TEP1: variants seen among roughly 807,000 people sequenced by gnomAD.
TEP1 encodes telomerase protein component 1.
A neutral mutation model predicts 306.3 loss-of-function variants in TEP1; 241 were observed. The ratio of observed to expected loss-of-function variants is 0.79; its 90% confidence interval spans 0.71 to 0.88. The LOEUF is 0.88. Ranked by LOEUF, TEP1 falls within the 40% of genes least tolerant of loss-of-function variation. TEP1 has a pLI of 0.00. For synonymous variants in TEP1, 1,289 were observed against 1,305.5 expected, an observed-to-expected ratio of 0.99 and a Z score of 0.27; for missense variants, 3,051 against 3,276.1, an observed-to-expected ratio of 0.93 and a Z score of 1.68.
intron 43 of TEP1, 24 bp from the exon 44 acceptor site, chr14:20,374,560 G>C: frequency 6.4e-7 from 1 of 1,564,226 alleles, no homozygotes; most frequent in Non-Finnish European, 8.8e-7. Context: ...AGTCAGAGGA[G>C]TGGGATTATC....
chr14:20,384,794 A>G, intron 21 of TEP1, 81 bp from the exon 22 acceptor site: 2 of 1,503,634 alleles, frequency 1.3e-6, no homozygotes, highest in Non-Finnish European at 1.8e-6. Flanking sequence ...ACATAGCTGT[A>G]ATTTCCTGAA....
rs771717141 is a variant in TEP1 at position 20,386,431 on chromosome 14, T to C, written c.2861+16A>G. 1.3e-6 allele frequency: 2 copies of C among 1,587,386 alleles called. No individual in the cohort carries two copies. The highest frequency in any genetic ancestry group is 2.3e-5 in the South Asian group (2 of 88,602). ...CTCATCCCCGACCCAGCCCCTCTTCTCTGCAGCCCCCACACCTGTTCCTAC... is the reference window on the plus strand; with the variant it reads ...CTCATCCCCGACCCAGCCCCTCTTCCCTGCAGCCCCCACACCTGTTCCTAC... On this transcript the variant is annotated intron_variant, in intron 19 of 54. Transcript: ENST00000262715.
Position 20,386,492 on chromosome 14 carries a change from A to C in TEP1, c.2816T>G (p.Ile939Ser), listed in dbSNP as rs749430556. 68 of 1,612,120 alleles carry C rather than the reference A, an allele frequency of 4.2e-5. No individual in the cohort carries two copies. The highest frequency in any genetic ancestry group is 5.7e-5 in the Non-Finnish European group (67 of 1,179,092). The part of the protein sequence containing the change: ...AAPHRISLHG[I>S]DLRWGVTEEE... ...CTCAGTGACGCCCCAGCGGAGGTCG[A>C]TTCCGTGAAGGCTGATACGGTGAGG... is the stretch of plus-strand genomic sequence containing the variant. Residue 939 changes from isoleucine to serine, a missense_variant, in exon 19 of 55, where the codon ATC becomes AGC. Coordinates refer to ENST00000262715, the MANE Select transcript of TEP1 (RefSeq NM_007110.5).
At chr14:20,380,545 C>T in intron 33 of TEP1, 70 bp from the exon 34 acceptor site, 2 of 1,534,424 alleles carry the variant, frequency 1.3e-6, no homozygotes, top group South Asian at 2.5e-5. Flanking sequence ...CAAATAAAAC[C>T]ATATGGTGTG....
intron 7 of TEP1, among the ~76,000 whole-genome samples, 182 bp from the exon 8 acceptor site, chr14:20,401,763 A>T (rs1198085916): frequency 6.6e-6 from 1 of 152,254 alleles, no homozygotes; most frequent in East Asian, 1.9e-4. Context: ...TCCCATGGTA[A>T]GCAGCACAGG....
Position 20,378,099 on chromosome 14 carries a change from G to A in TEP1, c.5646C>T (p.Ala1882=), listed in dbSNP as rs1885303335. ...REGARLAAFP[A]HHGFVAAALF... ...GCGCAGCAGCAACAAAGCCATGGTGGGCAGGGAAGGCAGCCAGCCGTGCCC... is the reference window on the plus strand; with the variant it reads ...GCGCAGCAGCAACAAAGCCATGGTGAGCAGGGAAGGCAGCCAGCCGTGCCC... Residue 1882 remains alanine (A), a synonymous_variant, in exon 39 of 55, where the codon GCC becomes GCT. Coordinates refer to ENST00000262715, the MANE Select transcript of TEP1 (RefSeq NM_007110.5). 1 of 1,613,918 alleles carries A rather than the reference G, an allele frequency of 6.2e-7. No individual in the cohort carries two copies. The highest frequency in any genetic ancestry group is 8.5e-7 in the Non-Finnish European group (1 of 1,180,046).
chr14:20,380,315 G>T lies in TEP1; in HGVS notation c.4923C>A (p.Ala1641=). ...GGTGCCATCTCCGGGAGAGCAGCGA[G>T]GCTTGGTGGCAAAGAGGTGAGTCCA... ...QPLDSPLCHQ[A]SLLSRRWHLQ... The change falls in exon 34 of 55, where the codon GCC becomes GCA. Residue 1641 remains alanine (A), a synonymous_variant. Coordinates refer to ENST00000262715, the MANE Select transcript of TEP1 (RefSeq NM_007110.5). The T allele has an allele frequency of 6.2e-7, 1 of 1,614,190 alleles. No homozygotes were observed.
chr14:20,371,622 T>C lies in TEP1; in HGVS notation c.7087A>G (p.Asn2363Asp), dbSNP rs1054114090. 1.9e-6 allele frequency: 3 copies of C among 1,577,374 alleles called. No homozygotes were observed. Among genetic ancestry groups the C allele is most frequent in the Non-Finnish European group, 2.6e-6 (3 of 1,170,488 alleles). The stretch of plus-strand genomic sequence containing the variant: ...CCTAAGTCCTCCTGTAGAATTCGGT[T>C]CAGGTGAAGACTAGCTCAAAAAAGT... ...SAPGNLSLHL[N>D]RILQEDLGVL... The change falls in exon 50 of 55, where the codon AAC (asparagine) becomes GAC (aspartate). Residue 2363 changes from asparagine (N) to aspartate (D), a missense_variant. Coordinates refer to ENST00000262715, the MANE Select transcript of TEP1 (RefSeq NM_007110.5).
chr14:20,368,887 CAG>C lies in TEP1; in HGVS notation c.7670_7671del (p.Ser2557CysfsTer9), dbSNP rs755840652. The C allele has an allele frequency of 3.1e-6, 5 of 1,613,770 alleles. No homozygotes were observed. The highest frequency in any genetic ancestry group is 4.2e-6 in the Non-Finnish European group (5 of 1,179,900). On this transcript the variant is annotated frameshift_variant, in exon 54 of 55. Coordinates refer to ENST00000262715, the MANE Select transcript of TEP1 (RefSeq NM_007110.5). LOFTEE classifies it high-confidence loss of function. ...TRQRRKIHSG[S>X]VTALHVLPEL... is the part of the protein sequence containing the mutation. ...TCAGGTAGCACATGGAGGGCTGTGA[CAG>C]AGCCCGAGTGAATCTCAAAGAGGAA...
intron 3 of TEP1, 22 bp from the exon 4 acceptor site, chr14:20,405,607 A>G (rs772438520): frequency 1.9e-6 from 3 of 1,611,722 alleles, no homozygotes; most frequent in Non-Finnish European, 2.5e-6. Flanking sequence ...GAAAGAGGGA[A>G]GAAATGAGAA....
chr14:20,391,016 A>G lies in TEP1; in HGVS notation c.2178T>C (p.Gly726=), dbSNP rs766660580. The G allele has an allele frequency of 6.2e-7, 1 of 1,613,892 alleles. No individual in the cohort carries two copies. Among genetic ancestry groups the G allele is most frequent in the East Asian group, 2.2e-5 (1 of 44,878 alleles). Residue 726 remains glycine, a synonymous_variant, in exon 14 of 55, where the codon GGT becomes GGC. Transcript: ENST00000262715. ...AEQVDVVLCG[G]DTLKTAVLKA... is the part of the protein sequence containing the mutation. The stretch of plus-strand genomic sequence containing the variant: ...TAAGCACTGCAGTCTTCAGAGTGTC[A>G]CCTCCACACAGCACGACGTCCACCT...
Position 20,378,088 on chromosome 14 carries a change from A to C in TEP1, c.5657T>G (p.Phe1886Cys), listed in dbSNP as rs1885301884. 6 of 1,613,862 alleles carry C rather than the reference A, an allele frequency of 3.7e-6. 1 individual carries two copies. The highest frequency in any genetic ancestry group is 3.3e-4 in the Middle Eastern group (2 of 6,062). Residue 1886 changes from phenylalanine (F) to cysteine (C), a missense_variant, in exon 39 of 55, where the codon TTT becomes TGT. Phe to Cys is a radical substitution (Grantham distance 205). Transcript: ENST00000262715. ...RLAAFPAHHG[F>C]VAAALFLHAG... ...ATGCAGGAAAAGCGCAGCAGCAACA[A>C]AGCCATGGTGGGCAGGGAAGGCAGC... is the stretch of plus-strand genomic sequence containing the variant.
At chr14:20,375,889 G>T in intron 42 of TEP1, 21 bp from the exon 43 acceptor site, 1 of 1,587,310 alleles carries the variant, frequency 6.3e-7, no homozygotes, top group South Asian at 1.1e-5. Context: ...CCCAAGGAGA[G>T]GGAGCAATCA....
intron 20 of TEP1, 127 bp downstream of exon 20, chr14:20,385,948 T>C: frequency 7.4e-7 from 1 of 1,356,368 alleles, no homozygotes; most frequent in African/African-American, 1.5e-5. Flanking sequence ...TCAGCCTGTA[T>C]TTCACTTCAA....
At position 20,368,788 on chromosome 14, in the gene TEP1, A is replaced by ACACACACACC; in HGVS notation, c.7761+9_7761+10insGGTGTGTGTG. On this transcript the variant is annotated intron_variant, in intron 54 of 54. Transcript: ENST00000262715. ...CGCACACACACACACACACACACAC[A>ACACACACACC]CACACTTACCAGCTGCATACTGGGT... 2 of 1,607,854 alleles carry ACACACACACC rather than the reference A, an allele frequency of 1.2e-6. No individual in the cohort carries two copies. The highest frequency in any genetic ancestry group is 1.7e-6 in the Non-Finnish European group (2 of 1,174,944).
Position 20,401,011 on chromosome 14 carries a change from T to C in TEP1, c.1522A>G (p.Lys508Glu). 1 of 1,614,228 alleles carries C rather than the reference T, an allele frequency of 6.2e-7. No homozygotes were observed. Among genetic ancestry groups the C allele is most frequent in the Non-Finnish European group, 8.5e-7 (1 of 1,180,040 alleles). The change falls in exon 9 of 55, where the codon AAA (lysine) becomes GAA (glutamate). Residue 508 changes from lysine (K) to glutamate (E), a missense_variant. This residue lies in a region of TEP1 where 1,507 missense variants were observed against 1,550.5 expected (regional missense o/e 0.97). Transcript: ENST00000262715. ...WERELSLRGN[K>E]ASVWEELIEN... ...ATGAGTTCCTCCCAGACCGACGCTT[T>C]GTTCCCCCGTAGGCTCAGCTCCCGC...
Position 20,378,137 on chromosome 14 carries a change from CCCA to C in TEP1, c.5605_5607del (p.Trp1869del). 6.2e-7 allele frequency: 1 copy of C among 1,613,888 alleles called. No individual in the cohort carries two copies. Among genetic ancestry groups the C allele is most frequent in the Non-Finnish European group, 8.5e-7 (1 of 1,180,024 alleles). On this transcript the variant is annotated inframe_deletion, in exon 39 of 55. Coordinates refer to ENST00000262715, the MANE Select transcript of TEP1 (RefSeq NM_007110.5). ...GCCAGCCGTGCCCCTTCTCGCCAGGCCCACAGCTCCACCATACTGTCCAGCCGG... is the reference window on the plus strand; with the variant it reads ...GCCAGCCGTGCCCCTTCTCGCCAGGCCAGCTCCACCATACTGTCCAGCCGG...
intron 35 of TEP1, 57 bp downstream of exon 35, chr14:20,379,873 A>C: frequency 6.4e-7 from 1 of 1,562,750 alleles, no homozygotes; most frequent in Non-Finnish European, 8.6e-7. Flanking sequence ...CTAGGGCTTC[A>C]GGGCAGTCTG....
chr14:20,385,880 C>T (rs532266109), intron 20 of TEP1, among the ~76,000 whole-genome samples, 195 bp downstream of exon 20: 2 of 152,308 alleles, frequency 1.3e-5, no homozygotes, highest in East Asian at 1.9e-4. Flanking sequence ...CATGGCCAAC[C>T]CCAGAGGCAC....
Sources: allele counts gnomAD v4.1 joint callset (sites outside exome capture counted in the v4.1 genomes callset), GRCh38; gene constraint gnomAD v4.1.1; regional missense constraint gnomAD v4.1.1; transcripts MANE v1.5; gene names NCBI Gene and HGNC (gene_info 2026-07-23, HGNC 2026-07-21).